The following PAPPA2 variants were observed in gnomAD, a reference collection of about 807,000 sequenced individuals.
PAPPA2 encodes pappalysin 2.
A neutral mutation model predicts 176.4 loss-of-function variants in PAPPA2; 86 were observed. The ratio of observed to expected loss-of-function variants is 0.49; its 90% CI spans 0.41 to 0.58. The LOEUF (loss-of-function observed/expected upper bound fraction) is 0.58. Ranked by LOEUF, PAPPA2 falls within the 20% of genes least tolerant of loss-of-function variation. The pLI is 0.00. For synonymous variants in PAPPA2, 809 were observed against 852.2 expected, an observed-to-expected ratio of 0.95 and a Z score of 0.88; for missense variants, 2,073 against 2,256.9, an observed-to-expected ratio of 0.92 and a Z score of 1.65.
At chr1:176,497,503 G>T (rs1347112147) in intron 1 of PAPPA2, among the ~76,000 whole-genome samples, 1 of 152,184 alleles carries the variant, frequency 6.6e-6, no homozygotes, top group Admixed American at 6.5e-5. Flanking sequence ...TTTCAATCTG[G>T]AGCCCCAAGG....
rs1558479050 is a variant in PAPPA2, at chr1:176,623,617, TCC to T, written c.1991+28023_1991+28024del. Among the ~76,000 whole-genome samples, 712 of 134,308 alleles carry T rather than the reference TCC, an allele frequency of 5.3e-3. 7 individuals carry two copies. The highest frequency in any genetic ancestry group is 0.016 in the East Asian group (69 of 4,428). The allele number at this position is 134,308 out of a possible 152,430, so 88.1% of individuals were successfully genotyped here. The stretch of plus-strand genomic sequence containing the variant: ...TTCCTTCCTTCCTTCCTTCCTTCCT[TCC>T]TTCCTTTTTTACTTTCTTTCTTTCT... On this transcript the variant is annotated intron_variant, in intron 3 of 22. Coordinates refer to ENST00000367662, the MANE Select transcript of PAPPA2 (RefSeq NM_020318.3).
intron 14 of PAPPA2, among the ~76,000 whole-genome samples, chr1:176,742,493 AG>A (rs1184935465): frequency 2.6e-5 from 4 of 152,318 alleles, no homozygotes; most frequent in African/African-American, 9.6e-5. Flanking sequence ...CAGGAGAAAT[AG>A]GATATGATTC....
At chr1:176,672,597 C>A (rs899409470) in intron 4 of PAPPA2, among the ~76,000 whole-genome samples, 1 of 151,872 alleles carries the variant, frequency 6.6e-6, no homozygotes, top group African/African-American at 2.4e-5. Context: ...GAAAAGATTG[C>A]TGTTCAATGC....
At chr1:176,500,455 A>G (rs1197130033) in intron 1 of PAPPA2, among the ~76,000 whole-genome samples, 1 of 149,094 alleles carries the variant, frequency 6.7e-6, no homozygotes, top group Non-Finnish European at 1.5e-5. Flanking sequence ...GAAAAGTTAA[A>G]CCTCTAAATA....
chr1:176,842,110 A>G (rs1667509966), intron 22 of PAPPA2, among the ~76,000 whole-genome samples: 1 of 152,184 alleles, frequency 6.6e-6, no homozygotes. Context: ...TATACTCATT[A>G]TTTAAATCAC....
At chr1:176,716,309 G>C (rs540940967) in intron 12 of PAPPA2, among the ~76,000 whole-genome samples, 2 of 147,404 alleles carry the variant, frequency 1.4e-5, no homozygotes, top group Non-Finnish European at 3.0e-5. Context: ...GCAATGGCGC[G>C]ATCTTGGCTC....
At chr1:176,725,703 C>T (rs1391594215) in intron 12 of PAPPA2, among the ~76,000 whole-genome samples, 2 of 152,162 alleles carry the variant, frequency 1.3e-5, no homozygotes, top group African/African-American at 2.4e-5. Context: ...CACACACGCA[C>T]GCGCGCGCAC....
chr1:176,803,922 G>T (rs978929005), intron 21 of PAPPA2, among the ~76,000 whole-genome samples: 4 of 152,082 alleles, frequency 2.6e-5, no homozygotes, highest in African/African-American at 9.7e-5. Flanking sequence ...AAATGCTTGG[G>T]CTTTGCACTG....
chr1:176,754,500 A>G (rs1034788567), intron 14 of PAPPA2, among the ~76,000 whole-genome samples: 2 of 152,278 alleles, frequency 1.3e-5, no homozygotes, highest in African/African-American at 2.4e-5. Flanking sequence ...TAATTCAAAA[A>G]TAAGCCCCAT....
intron 1 of PAPPA2, among the ~76,000 whole-genome samples, chr1:176,533,551 A>C (rs879905032): frequency 4.6e-5 from 7 of 152,230 alleles, no homozygotes; most frequent in Non-Finnish European, 1.0e-4. Context: ...TCTTTGACCA[A>C]CTAGCTGGAG....
chr1:176,537,917 C>G (rs75925720), intron 1 of PAPPA2, among the ~76,000 whole-genome samples: 11 of 152,104 alleles, frequency 7.2e-5, no homozygotes, highest in Non-Finnish European at 1.5e-4. Flanking sequence ...TCTCATGTTT[C>G]ATGGATTCCT....
chr1:176,711,518 C>A (rs1192941106), intron 11 of PAPPA2, among the ~76,000 whole-genome samples: 1 of 152,116 alleles, frequency 6.6e-6, no homozygotes, highest in Non-Finnish European at 1.5e-5. Flanking sequence ...TCATCATCAC[C>A]CCAGACAGAC....
rs1665615536 is a variant in PAPPA2, at chr1:176,800,099, C to T, written c.5169C>T (p.Asp1723=). ...CTGGCCGGCGTCAATGGCACCCAGA[C>T]CCCGTCTTAGTCCACTGCATCCAGT... is the stretch of plus-strand genomic sequence containing the variant. The part of the protein sequence containing the change: ...VCTGRRQWHP[D]PVLVHCIQSC... The change falls in exon 21 of 23, where the codon GAC becomes GAT. Residue 1723 remains aspartate (D), a synonymous_variant. Coordinates refer to ENST00000367662, the MANE Select transcript of PAPPA2 (RefSeq NM_020318.3). The T allele has an allele frequency of 6.2e-7, 1 of 1,614,082 alleles. No homozygotes were observed. The highest frequency in any genetic ancestry group is 2.2e-5 in the East Asian group (1 of 44,884).
rs147557833 is a variant in PAPPA2, at chr1:176,827,649, G to A, written c.5203-12524G>A. Among the ~76,000 whole-genome samples, 949 of 152,172 alleles carry A rather than the reference G, an allele frequency of 6.2e-3. 13 individuals are homozygous for A. The highest frequency in any genetic ancestry group is 0.021 in the African/African-American group (884 of 41,506). On this transcript the variant is annotated intron_variant, in intron 21 of 22. Transcript: ENST00000367662. Reference sequence around the variant, plus strand: ...CTATGATTTCTTTCCTATGGTCTTAGGTGCAGTTCAGATTCTGTATTATGC... The same window carrying A: ...CTATGATTTCTTTCCTATGGTCTTAAGTGCAGTTCAGATTCTGTATTATGC...
chr1:176,772,619 A>G (rs931101704), intron 17 of PAPPA2, among the ~76,000 whole-genome samples: 5 of 152,148 alleles, frequency 3.3e-5, no homozygotes, highest in African/African-American at 1.2e-4. Flanking sequence ...GGCCAGGCTG[A>G]TTAGAACATA....
chr1:176,624,752 C>T (rs1655912830), intron 3 of PAPPA2, among the ~76,000 whole-genome samples: 1 of 152,146 alleles, frequency 6.6e-6, no homozygotes, highest in Non-Finnish European at 1.5e-5. Context: ...GCTTTCATAT[C>T]ATATTTATTT....
chr1:176,497,039 A>T (rs1384003894), intron 1 of PAPPA2, among the ~76,000 whole-genome samples: 2 of 152,086 alleles, frequency 1.3e-5, no homozygotes, highest in Non-Finnish European at 2.9e-5. Flanking sequence ...ATCCTATCCC[A>T]TTGCCAGGAC....
rs145132782 is a variant in PAPPA2, at chr1:176,840,181, A to G, written c.5211A>G (p.Gln1737=). The G allele has an allele frequency of 8.7e-5, 141 of 1,613,194 alleles. No homozygotes were observed. In the East Asian group the frequency reaches 3.0e-3, roughly 34 times the overall value. The change falls in exon 22 of 23, where the codon CAA becomes CAG. Residue 1737 remains glutamine (Q), a synonymous_variant. Coordinates refer to ENST00000367662, the MANE Select transcript of PAPPA2 (RefSeq NM_020318.3). Reference sequence around the variant, plus strand: ...TTCTAACCTCCCTACAGCCCTTCCAAGCAGATGGTTGGTGTGACACTATCA... The same window carrying G: ...TTCTAACCTCCCTACAGCCCTTCCAGGCAGATGGTTGGTGTGACACTATCA... ...VHCIQSCEPF[Q]ADGWCDTINN... is the part of the protein sequence containing the mutation.
At chr1:176,723,341 A>G (rs1219535649) in intron 12 of PAPPA2, among the ~76,000 whole-genome samples, 1 of 152,232 alleles carries the variant, frequency 6.6e-6, no homozygotes, top group Non-Finnish European at 1.5e-5. Context: ...CAGGAGTAAT[A>G]GTCTTTGTAT....
Sources: gnomAD v4.1 joint callset for allele counts (sites outside exome capture counted in the v4.1 genomes callset) on GRCh38, gnomAD v4.1.1 for gene constraint, MANE v1.5 for transcripts, NCBI Gene and HGNC (gene_info 2026-07-23, HGNC 2026-07-21) for gene names.